The following SEMA6D variants were observed in gnomAD, a reference collection of about 807,000 sequenced individuals.
SEMA6D encodes the protein semaphorin 6D, also known as semaphorin-6D.
SEMA6D carries 35 observed loss-of-function variants against 106.6 expected under a neutral mutation model. The observed-to-expected ratio is 0.33, with a 90% CI of 0.25 to 0.44. The LOEUF (loss-of-function observed/expected upper bound fraction) is 0.44. Among genes scored for constraint, SEMA6D ranks in the 20% least tolerant of loss-of-function variants. SEMA6D has a pLI of 1.00. For missense variants in SEMA6D, 1,185 were observed against 1,345.9 expected (o/e 0.88, Z 1.87); for synonymous variants, 499 against 487.7 (o/e 1.02, Z -0.31).
At chr15:47,743,422 A>G (rs1025908542) in intron 1 of SEMA6D, among the ~76,000 whole-genome samples, 1 of 152,122 alleles carries the variant, frequency 6.6e-6, no homozygotes. Context: ...GCACACAGAA[A>G]TTCATTCAAC....
chr15:47,258,551 C>A (rs772784000), intron 1 of SEMA6D, among the ~76,000 whole-genome samples: 8 of 152,068 alleles, frequency 5.3e-5, no homozygotes, highest in Non-Finnish European at 1.2e-4. Context: ...TCTTTTCATG[C>A]CCTCAGTTAT....
chr15:47,603,176 G>A (rs539471800), intron 4 of SEMA6D, among the ~76,000 whole-genome samples: 2 of 152,136 alleles, frequency 1.3e-5, no homozygotes, highest in East Asian at 3.9e-4. Context: ...GGGTAGGAGG[G>A]GAGAATTTGC....
At chr15:47,617,688 G>A (rs1288578112) in intron 4 of SEMA6D, among the ~76,000 whole-genome samples, 1 of 152,180 alleles carries the variant, frequency 6.6e-6, no homozygotes, top group East Asian at 1.9e-4. Context: ...GTTTGGTTTA[G>A]ACTGAGATCT....
In SEMA6D at chr15:47,318,055, A is replaced by T. The variant is rs1210649444; in HGVS notation, c.-238-94338A>T. 3.3e-4 allele frequency among the ~76,000 whole-genome samples: 37 copies of T among 112,642 alleles called. 1 individual carries two copies. Among genetic ancestry groups the T allele is most frequent in the Non-Finnish European group, 1.3e-4 (7 of 51,884 alleles). 73.9% of individuals were successfully genotyped at this position (112,642 alleles called of 152,430 possible). The stretch of plus-strand genomic sequence containing the variant: ...TTTTTTTTTTTTAGAAATTATGCAC[A>T]TCTTTATTTTAATATTTACTTCCCG... On this transcript the variant is annotated intron_variant, in intron 1 of 19. Transcript: ENST00000558014.
At chr15:47,234,793 G>T (rs1386265737) in intron 1 of SEMA6D, among the ~76,000 whole-genome samples, 2 of 152,076 alleles carry the variant, frequency 1.3e-5, no homozygotes, top group African/African-American at 4.8e-5. Flanking sequence ...ATTGTGAATT[G>T]TGCTGCCATA....
intron 4 of SEMA6D, among the ~76,000 whole-genome samples, chr15:47,670,895 T>G (rs2078123706): frequency 6.6e-6 from 1 of 152,218 alleles, no homozygotes; most frequent in Non-Finnish European, 1.5e-5. Flanking sequence ...TTGGTTTCCA[T>G]TTAATTACTT....
At chr15:47,300,841 A>G (rs1266364056) in intron 1 of SEMA6D, among the ~76,000 whole-genome samples, 2 of 152,200 alleles carry the variant, frequency 1.3e-5, no homozygotes, top group Non-Finnish European at 2.9e-5. Flanking sequence ...TGTAGCCACC[A>G]AGCTCAGTCC....
intron 3 of SEMA6D, among the ~76,000 whole-genome samples, chr15:47,551,759 C>A: frequency 6.7e-6 from 1 of 148,720 alleles, no homozygotes; most frequent in Admixed American, 6.8e-5. Context: ...GTCACGTGAC[C>A]AAAAGGACTT....
intron 1 of SEMA6D, chr15:47,274,323 A>G (rs1309934067): frequency 1.3e-5 from 2 of 152,174 alleles, no homozygotes; most frequent in East Asian, 3.9e-4. Context: ...AGAGGAGGGA[A>G]AAGCCCTGAA....
intron 1 of SEMA6D, among the ~76,000 whole-genome samples, chr15:47,396,140 G>A (rs758616806): frequency 9.9e-5 from 15 of 152,054 alleles, no homozygotes; most frequent in Non-Finnish European, 1.5e-4. Flanking sequence ...AAACCCGACC[G>A]TGCTGGCACC....
chr15:47,549,488 C>T (rs1344090993), intron 3 of SEMA6D, among the ~76,000 whole-genome samples: 1 of 152,102 alleles, frequency 6.6e-6, no homozygotes. Context: ...TATAGTGAGC[C>T]TGTGGTGACT....
chr15:47,540,687 A>G (rs554025418), intron 3 of SEMA6D, among the ~76,000 whole-genome samples: 31 of 152,284 alleles, frequency 2.0e-4, no homozygotes, highest in African/African-American at 7.0e-4. Flanking sequence ...GAAAAGCAAT[A>G]TGATGAATCT....
rs777257782 is a variant in SEMA6D, at chr15:47,771,595, A to G, written c.3032A>G (p.Tyr1011Cys). Residue 1011 changes from tyrosine (Y) to cysteine (C), a missense_variant, in exon 19 of 19, where the codon TAT becomes TGT. This residue lies in a region of SEMA6D where 750 missense variants were observed against 783.5 expected (regional missense o/e 0.96). Coordinates refer to ENST00000536845, the MANE Select transcript of SEMA6D (RefSeq NM_001358351.3). ...ACCCCCACTGGGGCGAAGGTGGACT[A>G]TATTCAGGGAACACCAGTGAGTGTT... ...MPTPTGAKVD[Y>C]IQGTPVSVHL... The G allele has an allele frequency of 8.7e-6, 14 of 1,614,002 alleles. No individual in the cohort carries two copies. The highest frequency in any genetic ancestry group is 8.0e-5 in the African/African-American group (6 of 74,936).
chr15:47,523,892 C>T (rs1240173724), intron 3 of SEMA6D, among the ~76,000 whole-genome samples: 6 of 152,202 alleles, frequency 3.9e-5, no homozygotes, highest in Non-Finnish European at 8.8e-5. Context: ...TAACTCAGAA[C>T]TCCAGTGGCA....
intron 1 of SEMA6D, among the ~76,000 whole-genome samples, chr15:47,329,163 GAGCAAGGCAGA>G (rs1425501683): frequency 6.6e-6 from 1 of 152,210 alleles, no homozygotes; most frequent in Non-Finnish European, 1.5e-5. Context: ...GCCCAGTGGT[GAGCAAGGCAGA>G]GTGAGAGTAA....
chr15:47,230,807 G>A (rs2032135815), intron 1 of SEMA6D, among the ~76,000 whole-genome samples: 1 of 151,958 alleles, frequency 6.6e-6, no homozygotes, highest in African/African-American at 2.4e-5. Flanking sequence ...ACTGCAGGTG[G>A]TTCTGATGCA....
At chr15:47,502,577 T>C (rs575875354) in intron 3 of SEMA6D, among the ~76,000 whole-genome samples, 1 of 152,324 alleles carries the variant, frequency 6.6e-6, no homozygotes, top group East Asian at 1.9e-4. Flanking sequence ...TATACGGTAA[T>C]TGGTAAAATC....
intron 1 of SEMA6D, among the ~76,000 whole-genome samples, chr15:47,333,792 T>C (rs1475561234): frequency 6.6e-6 from 1 of 152,192 alleles, no homozygotes; most frequent in East Asian, 1.9e-4. Context: ...GGTGTTATGA[T>C]AGGTATATTG....
intron 1 of SEMA6D, among the ~76,000 whole-genome samples, chr15:47,749,619 G>A (rs965774714): frequency 6.6e-6 from 1 of 152,196 alleles, no homozygotes; most frequent in Non-Finnish European, 1.5e-5. Context: ...TTCAGCAGGA[G>A]AAGTCAAGGC....
Sources: allele counts gnomAD v4.1 joint callset (sites outside exome capture counted in the v4.1 genomes callset), GRCh38; gene constraint gnomAD v4.1.1; regional missense constraint gnomAD v4.1.1; transcripts MANE v1.5; gene names NCBI Gene and HGNC (gene_info 2026-07-23, HGNC 2026-07-21).